The following RAD51B variants were observed in gnomAD, a reference collection of about 807,000 sequenced individuals.
The protein encoded by RAD51B is RAD51 paralog B, also known as DNA repair protein RAD51 homolog 2.
Under a neutral mutation model 42.2 loss-of-function variants are expected in RAD51B, and 38 were observed. That is an observed-to-expected ratio of 0.90 (90% confidence interval 0.70 to 1.18). The LOEUF (loss-of-function observed/expected upper bound fraction) is 1.18. RAD51B is among the 50% of genes most tolerant of loss of function. RAD51B has a pLI of 0.00. For synonymous variants in RAD51B, 154 were observed against 145.2 expected (o/e 1.06, Z -0.43); for missense variants, 373 against 400.7 (o/e 0.93, Z 0.59).
intron 7 of RAD51B, among the ~76,000 whole-genome samples, chr14:68,054,344 T>C (rs1419389831): frequency 1.3e-5 from 2 of 152,186 alleles, no homozygotes; most frequent in Non-Finnish European, 2.9e-5. Context: ...AGCTGCTCTT[T>C]TGATTTTCTC....
chr14:68,001,783 C>A (rs1274398396), intron 7 of RAD51B, among the ~76,000 whole-genome samples: 1 of 152,088 alleles, frequency 6.6e-6, no homozygotes, highest in Non-Finnish European at 1.5e-5. Context: ...TACTTACAAG[C>A]GAGAACATGT....
At chr14:67,834,357 A>G (rs2041158718) in intron 3 of RAD51B, among the ~76,000 whole-genome samples, 1 of 140,092 alleles carries the variant, frequency 7.1e-6, no homozygotes, top group Non-Finnish European at 1.5e-5. Context: ...ATATTCACAG[A>G]CAGGTTCTGG....
chr14:67,890,587 A>G (rs1194680398), intron 7 of RAD51B, among the ~76,000 whole-genome samples: 1 of 150,126 alleles, frequency 6.7e-6, no homozygotes, highest in Non-Finnish European at 1.5e-5. Flanking sequence ...CATTAGGTAT[A>G]TCTCCCAGTG....
chr14:68,083,486 C>T (rs1216943041), intron 7 of RAD51B, among the ~76,000 whole-genome samples: 1 of 152,162 alleles, frequency 6.6e-6, no homozygotes, highest in African/African-American at 2.4e-5. Context: ...CTGGAGTATT[C>T]TTTTCCCCTA....
chr14:67,928,682 G>T (rs563375411), intron 7 of RAD51B, among the ~76,000 whole-genome samples: 2 of 152,110 alleles, frequency 1.3e-5, no homozygotes, highest in Non-Finnish European at 2.9e-5. Context: ...GGTGGACCTA[G>T]TTTCTAATCG....
At chr14:68,034,207 G>A (rs1269985870) in intron 7 of RAD51B, among the ~76,000 whole-genome samples, 3 of 151,366 alleles carry the variant, frequency 2.0e-5, no homozygotes, top group Non-Finnish European at 4.4e-5. Flanking sequence ...ATTTGTCAGA[G>A]TTCTTATCTG....
chr14:68,286,293 G>T (rs1295858306), intron 7 of RAD51B, among the ~76,000 whole-genome samples: 5 of 152,324 alleles, frequency 3.3e-5, no homozygotes, highest in African/African-American at 1.2e-4. Flanking sequence ...TACAAAATTT[G>T]CCTCTCAGCT....
intron 7 of RAD51B, among the ~76,000 whole-genome samples, chr14:68,202,919 C>T (rs978616745): frequency 2.6e-5 from 4 of 152,126 alleles, no homozygotes; most frequent in Non-Finnish European, 5.9e-5. Context: ...CATGAGATTG[C>T]AGCAATTCAG....
chr14:68,661,627 C>A (rs1344872578), intron 11 of RAD51B, among the ~76,000 whole-genome samples: 1 of 152,314 alleles, frequency 6.6e-6, no homozygotes, highest in African/African-American at 2.4e-5. Flanking sequence ...GGTTGGTATG[C>A]CCAAGGAAGT....
chr14:68,330,182 T>C (rs2082321169), intron 8 of RAD51B, among the ~76,000 whole-genome samples: 1 of 152,180 alleles, frequency 6.6e-6, no homozygotes, highest in Non-Finnish European at 1.5e-5. Flanking sequence ...GTTGTGCTTC[T>C]GCATGTTCAG....
exon 11 of RAD51B, chr14:68,595,732 A>T: frequency 1.5e-6 from 1 of 679,724 alleles, no homozygotes; most frequent in South Asian, 7.0e-5. Context: ...GGTCATTAAA[A>T]TTATGTGTCA....
chr14:68,481,190 A>T (rs1883150829), downstream of RAD51B, among the ~76,000 whole-genome samples: 1 of 152,304 alleles, frequency 6.6e-6, no homozygotes, highest in Admixed American at 6.5e-5. Context: ...AGGTGAGGAA[A>T]ATATATTATT....
At chr14:68,097,838 A>G (rs2077220819) in intron 7 of RAD51B, among the ~76,000 whole-genome samples, 1 of 152,206 alleles carries the variant, frequency 6.6e-6, no homozygotes, top group Non-Finnish European at 1.5e-5. Context: ...GGATTCATTT[A>G]GTTTAGTGCC....
chr14:67,938,261 T>C (rs917854255), intron 7 of RAD51B, among the ~76,000 whole-genome samples: 3 of 152,246 alleles, frequency 2.0e-5, no homozygotes, highest in Non-Finnish European at 4.4e-5. Flanking sequence ...GTCTTGTGAC[T>C]GGCTTAAATT....
At chr14:68,583,580 G>A (rs1201884496) in intron 10 of RAD51B, among the ~76,000 whole-genome samples, 1 of 152,232 alleles carries the variant, frequency 6.6e-6, no homozygotes, top group Non-Finnish European at 1.5e-5. Context: ...ACACTGGAAT[G>A]TGGTGGCCTT....
Position 68,477,922 on chromosome 14 carries a change from A to T in RAD51B, c.*258A>T. 7.8e-7 allele frequency: 1 copy of T among 1,280,350 alleles called. No homozygotes were observed. Among genetic ancestry groups the T allele is most frequent in the East Asian group, 3.0e-5 (1 of 32,972 alleles). The allele number at this position is 1,280,350 out of a possible 1,614,324, so 79.3% of individuals were successfully genotyped here. ...GGCTTTGCCGCCATGGGATGTCAAC[A>T]GCCATAATAATAATTTGCACTTATA... On this transcript the variant is annotated 3_prime_UTR_variant, in exon 11 of 11. Transcript: ENST00000471583.
At chr14:67,842,573 T>C (rs1271917524) in intron 4 of RAD51B, among the ~76,000 whole-genome samples, 2 of 152,178 alleles carry the variant, frequency 1.3e-5, no homozygotes, top group African/African-American at 2.4e-5. Flanking sequence ...TTTCACCATA[T>C]TGGCCAAGCT....
intron 10 of RAD51B, among the ~76,000 whole-genome samples, chr14:68,607,978 G>C (rs1028292737): frequency 1.3e-5 from 2 of 152,266 alleles, no homozygotes; most frequent in Admixed American, 1.3e-4. Context: ...GAAGGTTCTG[G>C]TTTGAGTGGA....
At chr14:68,275,704 G>A (rs956896829) in intron 7 of RAD51B, among the ~76,000 whole-genome samples, 1 of 151,776 alleles carries the variant, frequency 6.6e-6, no homozygotes, top group African/African-American at 2.4e-5. Context: ...ATGCAAATTA[G>A]GGCTTTTCCT....
Sources: gnomAD v4.1 joint callset for allele counts (sites outside exome capture counted in the v4.1 genomes callset) on GRCh38, gnomAD v4.1.1 for gene constraint, MANE v1.5 for transcripts, NCBI Gene and HGNC (gene_info 2026-07-23, HGNC 2026-07-21) for gene names.